The following GMDS variants were observed in gnomAD, a reference collection of about 807,000 sequenced individuals.
GMDS encodes the protein GDP-mannose 4,6-dehydratase.
GMDS carries 20 observed loss-of-function variants against 49.9 expected under a neutral mutation model. That is an observed-to-expected ratio of 0.40 (90% CI 0.28 to 0.58). The LOEUF is 0.58. Among genes scored for constraint, GMDS ranks in the 20% least tolerant of loss-of-function variants. The pLI, the probability that GMDS is intolerant of heterozygous loss-of-function variation, is 0.42. For missense variants in GMDS, 362 were observed against 481.4 expected, an observed-to-expected ratio of 0.75 and a Z score of 2.32; for synonymous variants, 177 against 178.6, an observed-to-expected ratio of 0.99 and a Z score of 0.07.
At chr6:1,919,830 G>A (rs769480983) in intron 7 of GMDS, among the ~76,000 whole-genome samples, 12 of 152,116 alleles carry the variant, frequency 7.9e-5, no homozygotes, top group Admixed American at 4.6e-4. Flanking sequence ...TATCCATTCC[G>A]TGTTGCCAGG....
chr6:1,735,322 G>A (rs755811564), intron 8 of GMDS, among the ~76,000 whole-genome samples: 3 of 152,228 alleles, frequency 2.0e-5, no homozygotes, highest in Non-Finnish European at 4.4e-5. Context: ...CTAAGGACAC[G>A]GGTATGTGGA....
At chr6:2,004,011 G>C (rs568640612) in intron 4 of GMDS, among the ~76,000 whole-genome samples, 4 of 152,302 alleles carry the variant, frequency 2.6e-5, no homozygotes, top group African/African-American at 9.6e-5. Flanking sequence ...ATGCCACAGA[G>C]TTAAACTCTT....
chr6:1,849,914 G>GT (rs889295282), intron 7 of GMDS, among the ~76,000 whole-genome samples: 3 of 152,096 alleles, frequency 2.0e-5, no homozygotes, highest in African/African-American at 4.8e-5. Flanking sequence ...AAAAGTGGGT[G>GT]TTTTTTGCAA....
intron 8 of GMDS, among the ~76,000 whole-genome samples, chr6:1,738,186 T>TACACACATACAC (rs1157922670): frequency 6.8e-6 from 1 of 147,872 alleles, no homozygotes; most frequent in Non-Finnish European, 1.5e-5. Context: ...CACACACATA[T>TACACACATACAC]ACACACATAC....
intron 7 of GMDS, among the ~76,000 whole-genome samples, chr6:1,821,607 ATTTGTTTTTTT>A (rs1770898505): frequency 6.0e-5 from 5 of 82,968 alleles, no homozygotes; most frequent in East Asian, 9.2e-4. Flanking sequence ...CTAACAATTT[ATTTGTTTTTTT>A]TTTTTTTTTT....
intron 9 of GMDS, among the ~76,000 whole-genome samples, chr6:1,716,611 C>T (rs1766184190): frequency 6.6e-6 from 1 of 152,094 alleles, no homozygotes; most frequent in African/African-American, 2.4e-5. Flanking sequence ...AAGGCCTGGC[C>T]AGGGCAGGGT....
rs769039800 is a variant in GMDS, at chr6:2,073,804, T to C, written c.345+41967A>G. Among the ~76,000 whole-genome samples, 103 of 152,332 alleles carry C rather than the reference T, an allele frequency of 6.8e-4. 1 individual carries two copies. Among genetic ancestry groups the C allele is most frequent in the Non-Finnish European group, 1.2e-3 (85 of 68,030 alleles). ...CCTGGGTTATATAATGACCTCCAGT[T>C]CCATACATGTGGCTGCAAATAATAT... On this transcript the variant is annotated intron_variant, in intron 4 of 10. Coordinates refer to ENST00000380815, the MANE Select transcript of GMDS (RefSeq NM_001500.4).
At chr6:1,742,621 C>A in intron 7 of GMDS, 35 bp from the exon 8 acceptor site, 1 of 1,118,640 alleles carries the variant, frequency 8.9e-7, no homozygotes, top group South Asian at 1.3e-5. Context: ...ACTTTGAAGT[C>A]ACACTCAGTG....
intron 7 of GMDS, among the ~76,000 whole-genome samples, chr6:1,769,117 C>A (rs1292205500): frequency 6.6e-6 from 1 of 152,114 alleles, no homozygotes; most frequent in Non-Finnish European, 1.5e-5. Flanking sequence ...TGATGTAATT[C>A]GTTCCTAGAA....
intron 4 of GMDS, among the ~76,000 whole-genome samples, chr6:2,066,050 C>A (rs1190291761): frequency 6.6e-6 from 1 of 152,082 alleles, no homozygotes. Context: ...AAAGGGAAGC[C>A]CATCAGACTA....
At chr6:2,009,286 C>G (rs1438463291) in intron 4 of GMDS, among the ~76,000 whole-genome samples, 4 of 152,166 alleles carry the variant, frequency 2.6e-5, no homozygotes, top group Admixed American at 1.3e-4. Context: ...AACAGTGAAA[C>G]AGGCTCCATT....
chr6:2,055,858 T>C (rs1373207219), intron 4 of GMDS, among the ~76,000 whole-genome samples: 2 of 152,280 alleles, frequency 1.3e-5, no homozygotes, highest in Middle Eastern at 3.4e-3. Context: ...ATTCCTGTTA[T>C]GAAGATTAAA....
At chr6:1,825,835 GC>G (rs1349831664) in intron 7 of GMDS, among the ~76,000 whole-genome samples, 1 of 152,138 alleles carries the variant, frequency 6.6e-6, no homozygotes, top group Non-Finnish European at 1.5e-5. Context: ...GGCAGACATG[GC>G]GAAACCCCAT....
chr6:2,136,152 T>C (rs76348077), intron 1 of GMDS, among the ~76,000 whole-genome samples: 6,433 of 152,294 alleles, frequency 0.042, 262 homozygotes, highest in South Asian at 0.13. Context: ...ACTACCATTG[T>C]GTATGGTCCC....
intron 4 of GMDS, among the ~76,000 whole-genome samples, chr6:2,041,799 T>C (rs1769699949): frequency 6.6e-6 from 1 of 152,132 alleles, no homozygotes; most frequent in African/African-American, 2.4e-5. Context: ...CCTAGAAAAG[T>C]TTCAGGTAAA....
At chr6:1,791,328 T>C (rs985168159) in intron 7 of GMDS, among the ~76,000 whole-genome samples, 1 of 152,222 alleles carries the variant, frequency 6.6e-6, no homozygotes, top group African/African-American at 2.4e-5. Context: ...GCTATACTTC[T>C]GAGATCACAC....
At chr6:2,054,928 CTATAAG>C (rs1770693962) in intron 4 of GMDS, among the ~76,000 whole-genome samples, 1 of 151,950 alleles carries the variant, frequency 6.6e-6, no homozygotes, top group Admixed American at 6.6e-5. Flanking sequence ...CAACCAGCTG[CTATAAG>C]TTTCATCAAG....
chr6:2,159,201 A>T (rs1777258193), intron 1 of GMDS, among the ~76,000 whole-genome samples: 1 of 152,122 alleles, frequency 6.6e-6, no homozygotes, highest in South Asian at 2.1e-4. Context: ...CGTATAGTTG[A>T]CCCTTGAACA....
chr6:2,197,968 T>A (rs1443963559), intron 1 of GMDS, among the ~76,000 whole-genome samples: 1 of 152,124 alleles, frequency 6.6e-6, no homozygotes, highest in African/African-American at 2.4e-5. Flanking sequence ...TCTCCCCAAA[T>A]CCCATCTCTA....
Sources: allele counts gnomAD v4.1 joint callset (sites outside exome capture counted in the v4.1 genomes callset), GRCh38; gene constraint gnomAD v4.1.1; transcripts MANE v1.5; gene names NCBI Gene and HGNC (gene_info 2026-07-23, HGNC 2026-07-21).